The following GLIS3 variants were observed in gnomAD, a reference collection of about 807,000 sequenced individuals.
The protein encoded by GLIS3 is GLIS family zinc finger 3.
GLIS3 carries 53 observed loss-of-function variants against 78.6 expected under a neutral mutation model. That is an observed-to-expected ratio of 0.67 (90% confidence interval 0.54 to 0.85). GLIS3 has a LOEUF of 0.85. GLIS3 is among the 40% of genes least tolerant of loss of function. GLIS3 has a pLI of 0.00. For synonymous variants in GLIS3, 684 were observed against 509.9 expected (o/e 1.34, Z -4.60); for missense variants, 1,703 against 1,231.1 (o/e 1.38, Z -5.74).
rs376720115 is a variant in GLIS3 at position 4,247,133 on chromosome 9, A to G, written c.388+38905T>C. ...GTTCGGTGCACACCAAAAGCGCGAT[A>G]AAAGCAGACTCCCTCTGCCATTCGT... On this transcript the variant is annotated intron_variant, in intron 2 of 10. Coordinates refer to ENST00000381971, the MANE Select transcript of GLIS3 (RefSeq NM_001042413.2). 1.7e-3 allele frequency among the ~76,000 whole-genome samples: 257 copies of G among 152,328 alleles called. 2 individuals are homozygous for G. Among genetic ancestry groups the G allele is most frequent in the African/African-American group, 5.7e-3 (238 of 41,564 alleles).
the GLIS3 span, among the ~76,000 whole-genome samples, chr9:4,439,663 G>A: frequency 6.6e-6 from 1 of 152,128 alleles, no homozygotes; most frequent in African/African-American, 2.4e-5. Context: ...GAGAGATTAT[G>A]CAGTTGTTTT....
chr9:4,244,495 GTTTTT>G (rs1042875053), intron 2 of GLIS3, among the ~76,000 whole-genome samples: 3 of 152,188 alleles, frequency 2.0e-5, no homozygotes, highest in African/African-American at 7.2e-5. Flanking sequence ...ATTGGAAAGA[GTTTTT>G]TTAAGGTGAA....
chr9:4,059,359 G>C (rs893655471), intron 4 of GLIS3, among the ~76,000 whole-genome samples: 13 of 152,184 alleles, frequency 8.5e-5, no homozygotes, highest in African/African-American at 3.1e-4. Flanking sequence ...CACCTCTGGA[G>C]ATCTCTGCAC....
intron 4 of GLIS3, among the ~76,000 whole-genome samples, chr9:3,974,905 A>G (rs892060268): frequency 3.3e-5 from 5 of 152,134 alleles, no homozygotes; most frequent in African/African-American, 1.2e-4. Flanking sequence ...AAAGCACCAG[A>G]AATGTTAACA....
At chr9:4,354,156 T>C in the GLIS3 span, among the ~76,000 whole-genome samples, 3 of 152,102 alleles carry the variant, frequency 2.0e-5, no homozygotes, top group South Asian at 4.1e-4. Flanking sequence ...AAATTCTTGA[T>C]AGCCAAGAGG....
At chr9:4,422,577 A>C in the GLIS3 span, among the ~76,000 whole-genome samples, 8 of 152,296 alleles carry the variant, frequency 5.3e-5, no homozygotes, top group African/African-American at 1.9e-4. Flanking sequence ...TCAGTTACAT[A>C]TCTCTCCTGT....
chr9:4,474,581 AG>A, the GLIS3 span, among the ~76,000 whole-genome samples: 3 of 152,236 alleles, frequency 2.0e-5, no homozygotes, highest in Non-Finnish European at 4.4e-5. Flanking sequence ...AAATGAAAGA[AG>A]CAAAATAATA....
At chr9:4,393,545 T>C in the GLIS3 span, among the ~76,000 whole-genome samples, 1 of 152,188 alleles carries the variant, frequency 6.6e-6, no homozygotes, top group Non-Finnish European at 1.5e-5. Context: ...ATCGCATTAG[T>C]TGTCATGTTT....
the GLIS3 span, among the ~76,000 whole-genome samples, chr9:4,367,194 C>T: frequency 6.6e-6 from 1 of 152,176 alleles, no homozygotes; most frequent in African/African-American, 2.4e-5. Flanking sequence ...TGTAAGCCGC[C>T]GACGGCATAT....
At chr9:4,222,559 A>G (rs1270164288) in intron 2 of GLIS3, among the ~76,000 whole-genome samples, 2 of 152,234 alleles carry the variant, frequency 1.3e-5, no homozygotes, top group African/African-American at 4.8e-5. Context: ...ACCCCATGGT[A>G]CTGGAGTTTG....
chr9:4,239,624 C>G (rs959215224), intron 2 of GLIS3, among the ~76,000 whole-genome samples: 2 of 152,224 alleles, frequency 1.3e-5, no homozygotes, highest in African/African-American at 2.4e-5. Context: ...AACAGAAGGT[C>G]TACGCTTTGG....
At chr9:4,351,461 G>C (rs888108571), upstream of GLIS3, among the ~76,000 whole-genome samples, 1 of 150,374 alleles carries the variant, frequency 6.7e-6, no homozygotes, top group Non-Finnish European at 1.5e-5. Flanking sequence ...AATATTTAGT[G>C]CTTGAGTTCA....
chr9:4,401,607 G>A, the GLIS3 span, among the ~76,000 whole-genome samples: 69 of 145,610 alleles, frequency 4.7e-4, no homozygotes, highest in African/African-American at 1.6e-3. Context: ...TCACTCTGTC[G>A]CCCAGGCTGG....
At chr9:4,008,426 T>C (rs2129996730) in intron 4 of GLIS3, among the ~76,000 whole-genome samples, 1 of 152,234 alleles carries the variant, frequency 6.6e-6, no homozygotes, top group Non-Finnish European at 1.5e-5. Flanking sequence ...GAGGACAGAA[T>C]GTGTTTGTTC....
intron 7 of GLIS3, among the ~76,000 whole-genome samples, chr9:3,892,464 C>A (rs1398492691): frequency 6.6e-6 from 1 of 152,114 alleles, no homozygotes; most frequent in South Asian, 2.1e-4. Context: ...CTGATAGCTG[C>A]GTGGAATGAA....
chr9:4,167,492 C>T (rs1815968713), intron 2 of GLIS3, among the ~76,000 whole-genome samples: 1 of 152,170 alleles, frequency 6.6e-6, no homozygotes, highest in African/African-American at 2.4e-5. Context: ...GGCTCTGAGC[C>T]ACTTGAAGAG....
intron 2 of GLIS3, among the ~76,000 whole-genome samples, chr9:4,224,479 G>A (rs1821596391): frequency 6.6e-6 from 1 of 152,148 alleles, no homozygotes; most frequent in South Asian, 2.1e-4. Context: ...TCACTATCTT[G>A]TGTCTCATCA....
chr9:4,085,298 G>T (rs1353702901), intron 4 of GLIS3, among the ~76,000 whole-genome samples: 5 of 151,308 alleles, frequency 3.3e-5, no homozygotes, highest in African/African-American at 1.2e-4. Context: ...TTTAAGCATT[G>T]ATATTTTCTA....
chr9:3,828,202 G>C lies in GLIS3; in HGVS notation c.*70C>G. 1.3e-6 allele frequency: 2 copies of C among 1,578,956 alleles called. No homozygotes were observed. The highest frequency in any genetic ancestry group is 1.7e-6 in the Non-Finnish European group (2 of 1,150,242). ...TGACATCCTTCCTCAAGCAGTCTGT[G>C]AGAGTACGAAAACAAAAGGTGGCAA... On this transcript the variant is annotated 3_prime_UTR_variant, in exon 11 of 11. Coordinates refer to ENST00000381971, the MANE Select transcript of GLIS3 (RefSeq NM_001042413.2).
Sources: gnomAD v4.1 joint callset for allele counts (sites outside exome capture counted in the v4.1 genomes callset) on GRCh38, gnomAD v4.1.1 for gene constraint, MANE v1.5 for transcripts, NCBI Gene and HGNC (gene_info 2026-07-23, HGNC 2026-07-21) for gene names.